CFAP52: variants seen among roughly 807,000 people sequenced by gnomAD.
CFAP52 encodes cilia and flagella associated protein 52.
Under a neutral mutation model 70.5 loss-of-function variants are expected in CFAP52, and 57 were observed. The ratio of observed to expected loss-of-function variants is 0.81; its 90% CI spans 0.65 to 1.01. The LOEUF (loss-of-function observed/expected upper bound fraction) is 1.01. CFAP52 is among the 50% of genes least tolerant of loss of function. The pLI, the probability that CFAP52 is intolerant of heterozygous loss-of-function variation, is 0.00. For synonymous variants in CFAP52, 267 were observed against 292.5 expected, an observed-to-expected ratio of 0.91 and a Z score of 0.89; for missense variants, 785 against 788.5, an observed-to-expected ratio of 1.00 and a Z score of 0.05.
intron 8 of CFAP52, among the ~76,000 whole-genome samples, chr17:9,613,928 T>C (rs1263013835): frequency 6.6e-6 from 1 of 152,134 alleles, no homozygotes; most frequent in African/African-American, 2.4e-5. Flanking sequence ...GCTTTCCCAC[T>C]AGGTGAATCT....
intron 8 of CFAP52, among the ~76,000 whole-genome samples, chr17:9,625,621 C>T (rs752279976): frequency 2.2e-4 from 34 of 151,392 alleles, no homozygotes; most frequent in African/African-American, 8.2e-4. Flanking sequence ...CCTTTTTCTA[C>T]AGCCACCATA....
At chr17:9,586,907 G>T in intron 3 of CFAP52, 73 bp downstream of exon 3, 1 of 1,466,808 alleles carries the variant, frequency 6.8e-7, no homozygotes, top group Non-Finnish European at 9.0e-7. Flanking sequence ...ACGTACATGT[G>T]CAGGTTTGTT....
chr17:9,580,021 A>T (rs954254577), intron 1 of CFAP52, among the ~76,000 whole-genome samples: 6 of 152,242 alleles, frequency 3.9e-5, no homozygotes, highest in Non-Finnish European at 7.3e-5. Context: ...GTTTGGTCAC[A>T]TTCATCCATT....
At chr17:9,594,864 A>G (rs539219250) in intron 4 of CFAP52, among the ~76,000 whole-genome samples, 1 of 150,190 alleles carries the variant, frequency 6.7e-6, no homozygotes, top group African/African-American at 2.4e-5. Flanking sequence ...ACTAATTAGA[A>G]CCTTGTTTAA....
rs1362748094 is a variant in CFAP52 at position 9,641,763 on chromosome 17, G to A, written c.1615G>A (p.Glu539Lys). The A allele has an allele frequency of 6.2e-7, 1 of 1,613,984 alleles. No individual in the cohort carries two copies. The highest frequency in any genetic ancestry group is 1.3e-5 in the African/African-American group (1 of 75,040). ...AGTATTTGATGGGACAGTAATCAGA[G>A]AATTGGAAGGTTCCCTGTCTGGGTC... ...WEVFDGTVIR[E>K]LEGSLSGSIN... Residue 539 changes from glutamate to lysine, a missense_variant, in exon 13 of 14, where the codon GAA (glutamate) becomes AAA (lysine). Coordinates refer to ENST00000352665, the MANE Select transcript of CFAP52 (RefSeq NM_145054.5).
intron 9 of CFAP52, among the ~76,000 whole-genome samples, chr17:9,631,080 A>AAGAAAGAAAGAAAGAAAGAAAGAG (rs1567635036): frequency 1.5e-5 from 1 of 68,510 alleles, no homozygotes; most frequent in African/African-American, 5.6e-5. Flanking sequence ...GAAAGAAAGA[A>AAGAAAGAAAGAAAGAAAGAAAGAG]AGAGAAAGAA....
chr17:9,596,059 G>GTGTGTGTATATA (rs1555541607), intron 4 of CFAP52, among the ~76,000 whole-genome samples: 21 of 85,202 alleles, frequency 2.5e-4, no homozygotes, highest in East Asian at 4.7e-4. Context: ...ATATGTGTGT[G>GTGTGTGTATATA]TATATATATA....
chr17:9,579,660 T>C (rs1386936563), intron 1 of CFAP52, among the ~76,000 whole-genome samples: 1 of 152,174 alleles, frequency 6.6e-6, no homozygotes, highest in Non-Finnish European at 1.5e-5. Flanking sequence ...CTCTGCCTCA[T>C]GGGTTCAAGT....
At position 9,591,140 on chromosome 17, in the gene CFAP52, C is replaced by T. The variant is rs561763651; in HGVS notation, c.408-3053C>T. Among the ~76,000 whole-genome samples the T allele has an allele frequency of 4.2e-5, 6 of 142,114 alleles. No individual in the cohort carries two copies. The East Asian group carries it at 1.3e-3, about 30-fold the overall frequency. 93.2% of individuals were successfully genotyped at this position (142,114 alleles called of 152,430 possible). A position where few individuals can be genotyped will look rare whatever the true frequency, so the allele number is the denominator to read the frequency against. On this transcript the variant is annotated intron_variant, in intron 3 of 13. Transcript: ENST00000352665. ...ACAACCTCTGCCTCCCAGGTTCAAG[C>T]GATTCTCCTGCCTCAGCCTCCCAAA...
chr17:9,636,690 G>A (rs1238922358), intron 11 of CFAP52, among the ~76,000 whole-genome samples: 1 of 152,036 alleles, frequency 6.6e-6, no homozygotes, highest in East Asian at 1.9e-4. Context: ...AGGCACGCAC[G>A]ACAAAGAACA....
At chr17:9,637,160 A>G (rs1342192212) in intron 11 of CFAP52, among the ~76,000 whole-genome samples, 1 of 152,202 alleles carries the variant, frequency 6.6e-6, no homozygotes, top group Non-Finnish European at 1.5e-5. Flanking sequence ...TTGATTCATT[A>G]AATTTAGCAT....
At chr17:9,639,825 G>A (rs1567638437) in intron 12 of CFAP52, among the ~76,000 whole-genome samples, 2 of 152,274 alleles carry the variant, frequency 1.3e-5, no homozygotes, top group South Asian at 2.1e-4. Flanking sequence ...TCAAGGAAGG[G>A]CATCTCTGGC....
intron 9 of CFAP52, among the ~76,000 whole-genome samples, chr17:9,631,114 G>A (rs1422948071): frequency 1.5e-5 from 2 of 135,118 alleles, no homozygotes; most frequent in Admixed American, 7.3e-5. Context: ...AAGAACATAA[G>A]TCAGAATTTG....
At position 9,596,059 on chromosome 17, in the gene CFAP52, GTATATA is replaced by G. The variant is rs796314327; in HGVS notation, c.536+1776_536+1781del. ...TATGTATGTAGATATATATGTGTGT[GTATATA>G]TATATATATATATATATATATATAT... is the stretch of plus-strand genomic sequence containing the variant. On this transcript the variant is annotated intron_variant, in intron 4 of 13. Transcript: ENST00000352665. Among the ~76,000 whole-genome samples the G allele has an allele frequency of 8.1e-3, 694 of 85,174 alleles. 17 individuals carry two copies. Among genetic ancestry groups the G allele is most frequent in the East Asian group, 0.036 (75 of 2,108 alleles). The allele number at this position is 85,174 out of a possible 152,430, so 55.9% of individuals were successfully genotyped here. A position where few individuals can be genotyped will look rare whatever the true frequency, so the allele number is the denominator to read the frequency against.
At chr17:9,583,460 A>G (rs1262404992) in intron 1 of CFAP52, among the ~76,000 whole-genome samples, 1 of 152,060 alleles carries the variant, frequency 6.6e-6, no homozygotes, top group Non-Finnish European at 1.5e-5. Context: ...ATGGAGAAGG[A>G]GATAGCAACA....
chr17:9,614,506 T>C (rs1909835321), intron 8 of CFAP52, among the ~76,000 whole-genome samples: 1 of 152,232 alleles, frequency 6.6e-6, no homozygotes. Context: ...ATATTAAGAT[T>C]ACCACATCTT....
chr17:9,586,760 AG>A lies in CFAP52; in HGVS notation c.335del (p.Gly112AlafsTer18). The A allele has an allele frequency of 6.2e-7, 1 of 1,613,888 alleles. No individual in the cohort carries two copies. The highest frequency in any genetic ancestry group is 8.5e-7 in the Non-Finnish European group (1 of 1,179,960). On this transcript the variant is annotated frameshift_variant, in exon 3 of 14. Coordinates refer to ENST00000352665, the MANE Select transcript of CFAP52 (RefSeq NM_145054.5). LOFTEE classifies it high-confidence loss of function. ...TGCTTGCTCGGCTGTCCCTTCACAA[AG>A]GCAAAATTGAAGCTCTGGCCTTTTC... The part of the protein sequence containing the change: ...ELLARLSLHK[G>X]KIEALAFSPN...
chr17:9,578,604 G>A (rs538291858), intron 1 of CFAP52, among the ~76,000 whole-genome samples: 43 of 152,268 alleles, frequency 2.8e-4, no homozygotes, highest in African/African-American at 1.0e-3. Context: ...GTTGTGTAAT[G>A]GCACAATCTC....
chr17:9,635,446 G>A lies in CFAP52; in HGVS notation c.1362G>A (p.Glu454=). 6.2e-7 allele frequency: 1 copy of A among 1,614,214 alleles called. No homozygotes were observed. The highest frequency in any genetic ancestry group is 1.7e-4 in the Middle Eastern group (1 of 6,048). ...TAGGCTGTCAGACCCAGAAGCTGGA[G>A]GAGGCCCTGAAGGAACACAAGTCAT... ...WQIGCQTQKL[E]EALKEHKSSV... The change falls in exon 11 of 14, where the codon GAG becomes GAA. Residue 454 remains glutamate, a synonymous_variant. Transcript: ENST00000352665.
Sources: gnomAD v4.1 joint callset for allele counts (sites outside exome capture counted in the v4.1 genomes callset) on GRCh38, gnomAD v4.1.1 for gene constraint, MANE v1.5 for transcripts, NCBI Gene and HGNC (gene_info 2026-07-23, HGNC 2026-07-21) for gene names.